SLC17A5: variants seen among roughly 807,000 people sequenced by gnomAD.
SLC17A5 encodes solute carrier family 17 member 5.
In SLC17A5, 47 loss-of-function variants were observed where a neutral mutation model predicts 59.4. The ratio of observed to expected loss-of-function variants is 0.79; its 90% CI spans 0.63 to 1.01. SLC17A5 has a LOEUF of 1.01. SLC17A5 is among the 50% of genes least tolerant of loss of function. SLC17A5 has a pLI of 0.00. For missense variants in SLC17A5, 522 were observed against 595.5 expected, an observed-to-expected ratio of 0.88 and a Z score of 1.28; for synonymous variants, 202 against 210.7, an observed-to-expected ratio of 0.96 and a Z score of 0.36.
At chr6:73,596,568 A>G (rs925694905) in intron 10 of SLC17A5, among the ~76,000 whole-genome samples, 4 of 152,182 alleles carry the variant, frequency 2.6e-5, no homozygotes, top group African/African-American at 9.6e-5. Context: ...TTAACTAAGA[A>G]ACACACGGCC....
chr6:73,640,136 G>A (rs1769215000), intron 3 of SLC17A5, among the ~76,000 whole-genome samples: 1 of 152,202 alleles, frequency 6.6e-6, no homozygotes, highest in Non-Finnish European at 1.5e-5. Context: ...TGTTAAATTA[G>A]TGGCATAAAC....
intron 10 of SLC17A5, among the ~76,000 whole-genome samples, chr6:73,596,004 C>T (rs1264005230): frequency 1.3e-5 from 2 of 150,120 alleles, no homozygotes; most frequent in Non-Finnish European, 3.0e-5. Flanking sequence ...TGGGGTTTCG[C>T]CATGTTTCCC....
At chr6:73,638,610 G>A (rs941516509) in intron 3 of SLC17A5, 111 bp from the exon 4 acceptor site, 13 of 825,212 alleles carry the variant, frequency 1.6e-5, no homozygotes, top group South Asian at 1.4e-4. Context: ...AGAATCAAAC[G>A]AATCAGGTTC....
intron 8 of SLC17A5, 32 bp downstream of exon 8, chr6:73,615,283 A>C: frequency 6.2e-7 from 1 of 1,612,724 alleles, no homozygotes. Context: ...AAATAACTGT[A>C]AACCAAAACA....
intron 6 of SLC17A5, among the ~76,000 whole-genome samples, chr6:73,622,703 T>TA (rs1386277751): frequency 1.3e-5 from 2 of 152,320 alleles, no homozygotes; most frequent in African/African-American, 4.8e-5. Context: ...ATCCAATCTT[T>TA]ATTCAATTGA....
At chr6:73,597,423 T>C (rs558306877) in intron 10 of SLC17A5, among the ~76,000 whole-genome samples, 24 of 151,732 alleles carry the variant, frequency 1.6e-4, no homozygotes, top group Non-Finnish European at 2.8e-4. Flanking sequence ...GCCAAGATCG[T>C]GCCACTGCAC....
At position 73,600,337 on chromosome 6, in the gene SLC17A5, A is replaced by T; in HGVS notation, c.1350+14T>A. 6.3e-7 allele frequency: 1 copy of T among 1,592,544 alleles called. No individual in the cohort carries two copies. ...CCAAAACCTTTCCAGTTTACAAGTA[A>T]ATTATCTACTTACATCAGGGGTCAG... On this transcript the variant is annotated intron_variant, in intron 10 of 10. Transcript: ENST00000355773.
chr6:73,650,868 G>A (rs1717033240), intron 1 of SLC17A5, among the ~76,000 whole-genome samples: 1 of 152,004 alleles, frequency 6.6e-6, no homozygotes, highest in African/African-American at 2.4e-5. Flanking sequence ...AGCCGTGTAT[G>A]GGAGAATTAG....
At chr6:73,650,432 C>T (rs1209937598) in intron 1 of SLC17A5, among the ~76,000 whole-genome samples, 2 of 139,340 alleles carry the variant, frequency 1.4e-5, no homozygotes, top group African/African-American at 5.3e-5. Flanking sequence ...GGCATGAACC[C>T]GGGAGGCGGA....
intron 1 of SLC17A5, among the ~76,000 whole-genome samples, chr6:73,645,785 G>A (rs1309139962): frequency 1.0e-5 from 1 of 99,740 alleles, no homozygotes; most frequent in African/African-American, 5.1e-5. Flanking sequence ...CAGAGACTCC[G>A]TCTCAAAAAA....
chr6:73,653,218 T>G (rs1268777178), intron 1 of SLC17A5: 1 of 985,302 alleles, frequency 1.0e-6, no homozygotes, highest in African/African-American at 1.7e-5. Flanking sequence ...TACTCACAAA[T>G]GTTAACTCCA....
chr6:73,621,635 GTTGT>G (rs1379888878), intron 7 of SLC17A5, among the ~76,000 whole-genome samples, 165 bp downstream of exon 7: 4 of 152,080 alleles, frequency 2.6e-5, no homozygotes, highest in Admixed American at 6.6e-5. Context: ...CATTCAGTGG[GTTGT>G]TTTTCATTTT....
intron 8 of SLC17A5, among the ~76,000 whole-genome samples, chr6:73,611,640 A>G (rs1043039722): frequency 3.3e-5 from 5 of 151,640 alleles, no homozygotes; most frequent in Admixed American, 6.6e-5. Flanking sequence ...TTAACAACTG[A>G]TAAGAATACA....
chr6:73,594,549 G>A lies in SLC17A5; in HGVS notation c.*528C>T. ...AAACGCTGGGCACTCTGACCCTGAA[G>A]CCAGGGAGGGAGTGCTTGGCAGCTG... On this transcript the variant is annotated 3_prime_UTR_variant, in exon 11 of 11. Coordinates refer to ENST00000355773, the MANE Select transcript of SLC17A5 (RefSeq NM_012434.5). The A allele has an allele frequency of 5.8e-6, 1 of 172,222 alleles. No homozygotes were observed. The highest frequency in any genetic ancestry group is 1.2e-5 in the Non-Finnish European group (1 of 80,078). 10.7% of individuals were successfully genotyped at this position (172,222 alleles called of 1,614,324 possible).
intron 9 of SLC17A5, among the ~76,000 whole-genome samples, chr6:73,608,415 C>T (rs554262417): frequency 7.0e-4 from 107 of 152,154 alleles, no homozygotes; most frequent in Middle Eastern, 3.4e-3. Flanking sequence ...GCAATCATTT[C>T]ATTGTGTGAT....
At chr6:73,651,766 T>C (rs1157513470) in intron 1 of SLC17A5, among the ~76,000 whole-genome samples, 2 of 152,044 alleles carry the variant, frequency 1.3e-5, no homozygotes, top group African/African-American at 4.8e-5. Context: ...TTAGCCGGGA[T>C]GGTCTCGGTC....
chr6:73,618,951 T>G (rs184600089), intron 7 of SLC17A5, among the ~76,000 whole-genome samples: 44 of 152,286 alleles, frequency 2.9e-4, no homozygotes, highest in Admixed American at 7.9e-4. Flanking sequence ...GGTCTCGAAC[T>G]CTTGAGCACA....
rs1451428427 is a variant in SLC17A5 at position 73,595,180 on chromosome 6, A to G, written c.1385T>C (p.Ile462Thr). 6.2e-7 allele frequency: 1 copy of G among 1,614,186 alleles called. No individual in the cohort carries two copies. Among genetic ancestry groups the G allele is most frequent in the East Asian group, 2.2e-5 (1 of 44,866 alleles). ...TVGEWQTVFY[I>T]AAAINVFGAI... ...ACCAAAAACATTAATAGCAGCAGCAATATAGAACACGGTTTGCCATTCTCC... is the reference window on the plus strand; with the variant it reads ...ACCAAAAACATTAATAGCAGCAGCAGTATAGAACACGGTTTGCCATTCTCC... The change falls in exon 11 of 11, where the codon ATT becomes ACT. Residue 462 changes from isoleucine to threonine, a missense_variant. Coordinates refer to ENST00000355773, the MANE Select transcript of SLC17A5 (RefSeq NM_012434.5).
At chr6:73,623,702 A>T (rs530585213) in intron 6 of SLC17A5, among the ~76,000 whole-genome samples, 1 of 130,194 alleles carries the variant, frequency 7.7e-6, no homozygotes, top group African/African-American at 3.1e-5. Context: ...TTATTTATTT[A>T]TTTATTTATT....
Sources: gnomAD v4.1 joint callset for allele counts (sites outside exome capture counted in the v4.1 genomes callset) on GRCh38, gnomAD v4.1.1 for gene constraint, MANE v1.5 for transcripts, NCBI Gene and HGNC (gene_info 2026-07-23, HGNC 2026-07-21) for gene names.